The following SLC24A2 variants were observed in gnomAD, a reference collection of about 807,000 sequenced individuals.
The protein encoded by SLC24A2 is sodium/potassium/calcium exchanger 2.
A neutral mutation model predicts 62.0 loss-of-function variants in SLC24A2; 36 were observed. That is an observed-to-expected ratio of 0.58 (90% CI 0.44 to 0.77). SLC24A2 has a LOEUF of 0.77. Among genes scored for constraint, SLC24A2 ranks in the 30% least tolerant of loss-of-function variants. The probability of loss-of-function intolerance (pLI) is 0.00; values close to 1 mark genes in which losing one functional copy is unlikely to be tolerated. For synonymous variants in SLC24A2, 358 were observed against 294.0 expected (o/e 1.22, Z -2.23); for missense variants, 846 against 817.9 (o/e 1.03, Z -0.42).
the SLC24A2 span, among the ~76,000 whole-genome samples, chr9:19,799,130 TTTG>T: frequency 2.6e-5 from 4 of 152,136 alleles, no homozygotes; most frequent in African/African-American, 9.7e-5. Flanking sequence ...ACTGTTTCTA[TTTG>T]TTTTCTTATA....
At chr9:19,946,888 G>A in the SLC24A2 span, among the ~76,000 whole-genome samples, 1 of 152,172 alleles carries the variant, frequency 6.6e-6, no homozygotes, top group African/African-American at 2.4e-5. Context: ...TTACTGCTAT[G>A]TTTGTGTGAA....
At chr9:19,706,904 T>C (rs1334012999) in intron 2 of SLC24A2, among the ~76,000 whole-genome samples, 1 of 151,376 alleles carries the variant, frequency 6.6e-6, no homozygotes, top group East Asian at 1.9e-4. Flanking sequence ...ATAACTAAAA[T>C]CAGAGCAGAA....
At chr9:20,230,736 A>T in the SLC24A2 span, among the ~76,000 whole-genome samples, 1 of 152,098 alleles carries the variant, frequency 6.6e-6, no homozygotes, top group Non-Finnish European at 1.5e-5. Context: ...TCTTTAGTTT[A>T]ATGAGATCCC....
chr9:19,786,408 A>AC lies in SLC24A2; in HGVS notation c.458dup (p.Cys153TrpfsTer2). ...TCAAAGAAGGAACAAAGAACTCATC[A>AC]CAGACAATGGCTAAGGCTATGAACA... is the stretch of plus-strand genomic sequence containing the variant. On this transcript the variant is annotated frameshift_variant, in exon 2 of 11. Coordinates refer to ENST00000341998, the MANE Select transcript of SLC24A2 (RefSeq NM_020344.4). LOFTEE classifies it high-confidence loss of function. The surrounding 1 kb of genome is among the most constrained non-coding windows in gnomAD (Gnocchi z 5.0). 1 of 1,614,222 alleles carries AC rather than the reference A, an allele frequency of 6.2e-7. No homozygotes were observed. Among genetic ancestry groups the AC allele is most frequent in the Non-Finnish European group, 8.5e-7 (1 of 1,180,046 alleles).
the SLC24A2 span, among the ~76,000 whole-genome samples, chr9:19,865,096 G>A: frequency 6.6e-6 from 1 of 151,872 alleles, no homozygotes; most frequent in Non-Finnish European, 1.5e-5. Context: ...AGCGACAAAT[G>A]AATTAAATAC....
the SLC24A2 span, among the ~76,000 whole-genome samples, chr9:20,280,202 G>A: frequency 1.4e-4 from 21 of 152,236 alleles, no homozygotes; most frequent in Non-Finnish European, 2.4e-4. Context: ...AAAGTTAAAC[G>A]AAGATGTGGC....
chr9:20,266,324 G>A, the SLC24A2 span, among the ~76,000 whole-genome samples: 1 of 152,078 alleles, frequency 6.6e-6, no homozygotes, highest in Non-Finnish European at 1.5e-5. Context: ...TTTGTACTCT[G>A]TCCCTTTATT....
chr9:19,673,907 A>G (rs924301232), intron 2 of SLC24A2, among the ~76,000 whole-genome samples: 2 of 152,084 alleles, frequency 1.3e-5, no homozygotes, highest in African/African-American at 4.8e-5. Flanking sequence ...TATTCATGTT[A>G]TTTGATGCCT....
At chr9:20,098,031 G>T in the SLC24A2 span, among the ~76,000 whole-genome samples, 4 of 151,946 alleles carry the variant, frequency 2.6e-5, no homozygotes, top group Middle Eastern at 3.2e-3. Context: ...CGGAGCCACC[G>T]CGCCTGGCCC....
chr9:19,517,607 T>C (rs1832992809), intron 10 of SLC24A2, among the ~76,000 whole-genome samples: 1 of 152,154 alleles, frequency 6.6e-6, no homozygotes, highest in Non-Finnish European at 1.5e-5. Flanking sequence ...AAGTGATTGA[T>C]GTGACTGCCT....
At chr9:20,014,808 G>A in the SLC24A2 span, among the ~76,000 whole-genome samples, 1 of 152,070 alleles carries the variant, frequency 6.6e-6, no homozygotes, top group African/African-American at 2.4e-5. Context: ...TAGCTTTTGA[G>A]ATCTATTGTG....
chr9:19,849,917 A>T, the SLC24A2 span, among the ~76,000 whole-genome samples: 1 of 152,318 alleles, frequency 6.6e-6, no homozygotes, highest in Non-Finnish European at 1.5e-5. Context: ...AAAAGTAAAA[A>T]GAACTGATAC....
intron 2 of SLC24A2, among the ~76,000 whole-genome samples, chr9:19,655,612 A>T (rs1416390485): frequency 6.6e-6 from 1 of 152,190 alleles, no homozygotes; most frequent in African/African-American, 2.4e-5. Flanking sequence ...TTCTGTGATG[A>T]GGCTGGATAA....
intron 2 of SLC24A2, among the ~76,000 whole-genome samples, chr9:19,648,179 T>G (rs1818697626): frequency 6.6e-6 from 1 of 152,194 alleles, no homozygotes; most frequent in African/African-American, 2.4e-5. Flanking sequence ...TTATCTTCAT[T>G]AGCCACATGG....
intron 2 of SLC24A2, among the ~76,000 whole-genome samples, chr9:19,711,630 C>A (rs893946233): frequency 6.6e-6 from 1 of 152,188 alleles, no homozygotes; most frequent in East Asian, 1.9e-4. Context: ...AAGAACACAT[C>A]CAACTAACAA....
chr9:19,803,768 G>A, the SLC24A2 span, among the ~76,000 whole-genome samples: 1 of 152,118 alleles, frequency 6.6e-6, no homozygotes, highest in Admixed American at 6.5e-5. Context: ...GAGTTGAAAA[G>A]CAGTTTGGAG....
At position 19,779,364 on chromosome 9, in the gene SLC24A2, A is replaced by G. The variant is rs182396011; in HGVS notation, c.930+6573T>C. ...AAAAACCTTAAAAGTAGTAAAGGAA[A>G]AAAGATAAATTTCTTATAAAGGAGC... On this transcript the variant is annotated intron_variant, in intron 2 of 10. Transcript: ENST00000341998. Among the ~76,000 whole-genome samples, 40 of 152,374 alleles carry G rather than the reference A, an allele frequency of 2.6e-4. No homozygotes were observed. In the East Asian group the frequency reaches 5.2e-3, roughly 20 times the overall value.
At chr9:19,782,452 G>T (rs557741245) in intron 2 of SLC24A2, among the ~76,000 whole-genome samples, 39 of 152,248 alleles carry the variant, frequency 2.6e-4, no homozygotes, top group Non-Finnish European at 4.9e-4. Context: ...TAAAATCTCA[G>T]GATGAAATAA....
At chr9:20,254,636 A>G in the SLC24A2 span, among the ~76,000 whole-genome samples, 1 of 152,176 alleles carries the variant, frequency 6.6e-6, no homozygotes, top group Non-Finnish European at 1.5e-5. Context: ...TACCTAGACT[A>G]AGTCCATAGT....
Sources: gnomAD v4.1 joint callset for allele counts (sites outside exome capture counted in the v4.1 genomes callset) on GRCh38, gnomAD v4.1.1 for gene constraint, Gnocchi (gnomAD v3.1) non-coding constraint, MANE v1.5 for transcripts, NCBI Gene and HGNC (gene_info 2026-07-23, HGNC 2026-07-21) for gene names.